GRIK2: variants seen among roughly 807,000 people sequenced by gnomAD.
GRIK2 encodes glutamate receptor ionotropic, kainate 2.
A neutral mutation model predicts 100.3 loss-of-function variants in GRIK2; 32 were observed. The observed-to-expected ratio is 0.32, with a 90% CI of 0.24 to 0.43. The LOEUF is 0.43. Among genes scored for constraint, GRIK2 ranks in the 20% least tolerant of loss-of-function variants. The pLI, the probability that GRIK2 is intolerant of heterozygous loss-of-function variation, is 1.00. For synonymous variants in GRIK2, 417 were observed against 389.4 expected (o/e 1.07, Z -0.83); for missense variants, 843 against 1,114.9 (o/e 0.76, Z 3.47).
chr6:101,470,191 C>T (rs1227545992), intron 2 of GRIK2, among the ~76,000 whole-genome samples: 2 of 152,136 alleles, frequency 1.3e-5, no homozygotes, highest in African/African-American at 2.4e-5. Flanking sequence ...AGTGGCTTCA[C>T]CGGAACTGAA....
intron 15 of GRIK2, among the ~76,000 whole-genome samples, chr6:102,036,111 A>C (rs1346568169): frequency 6.6e-6 from 1 of 151,364 alleles, no homozygotes; most frequent in South Asian, 2.1e-4. Context: ...ATGGCAAATC[A>C]TTTTTAGTCA....
At chr6:101,882,036 A>G (rs1786285367) in intron 11 of GRIK2, among the ~76,000 whole-genome samples, 1 of 152,088 alleles carries the variant, frequency 6.6e-6, no homozygotes, top group South Asian at 2.1e-4. Context: ...GTGGCAGACA[A>G]GAGAGAATGA....
chr6:101,622,177 G>A (rs1780196207), intron 3 of GRIK2, 61 bp downstream of exon 3: 1 of 1,023,878 alleles, frequency 9.8e-7, no homozygotes. Flanking sequence ...GTATTCTTAA[G>A]AGATTTTTTT....
chr6:101,736,726 G>T (rs1775660940), intron 7 of GRIK2, among the ~76,000 whole-genome samples: 1 of 152,120 alleles, frequency 6.6e-6, no homozygotes, highest in Admixed American at 6.5e-5. Flanking sequence ...CCTCTGACAT[G>T]CCCTGGAAAC....
At chr6:101,887,299 A>G (rs145710496) in intron 11 of GRIK2, among the ~76,000 whole-genome samples, 194 of 152,296 alleles carry the variant, frequency 1.3e-3, no homozygotes, top group African/African-American at 3.7e-3. Context: ...TGTGTACGAT[A>G]AATACATAAA....
intron 4 of GRIK2, among the ~76,000 whole-genome samples, chr6:101,655,606 C>T (rs895444954): frequency 1.3e-5 from 2 of 152,126 alleles, no homozygotes; most frequent in South Asian, 2.1e-4. Flanking sequence ...TCTCAAAAAT[C>T]CTGAGTTGCA....
At chr6:101,499,747 A>G (rs1773651193) in intron 2 of GRIK2, among the ~76,000 whole-genome samples, 1 of 152,152 alleles carries the variant, frequency 6.6e-6, no homozygotes, top group Non-Finnish European at 1.5e-5. Context: ...TATAACTTAT[A>G]TACTATGTTA....
intron 7 of GRIK2, among the ~76,000 whole-genome samples, chr6:101,785,376 C>T (rs780981474): frequency 2.6e-5 from 4 of 152,040 alleles, no homozygotes; most frequent in Non-Finnish European, 5.9e-5. Context: ...GGGTCCTTAG[C>T]CATAGAGTAT....
chr6:101,948,551 T>TTA (rs1002133632), intron 14 of GRIK2, among the ~76,000 whole-genome samples: 7 of 148,484 alleles, frequency 4.7e-5, no homozygotes, highest in Admixed American at 6.8e-5. Context: ...TTTTATATAG[T>TTA]TATATATATA....
chr6:101,687,122 T>C (rs543309649), intron 7 of GRIK2, among the ~76,000 whole-genome samples: 25 of 152,078 alleles, frequency 1.6e-4, no homozygotes, highest in Non-Finnish European at 3.2e-4. Flanking sequence ...TTTATATTTT[T>C]TATACTAAAT....
At chr6:101,468,567 T>A (rs1186925572) in intron 2 of GRIK2, among the ~76,000 whole-genome samples, 3 of 152,156 alleles carry the variant, frequency 2.0e-5, no homozygotes, top group African/African-American at 7.2e-5. Context: ...CAAGGACTTG[T>A]AAAATGTGGA....
At position 101,612,921 on chromosome 6, in the gene GRIK2, A is replaced by G. The variant is rs182996253; in HGVS notation, c.116-9028A>G. The stretch of plus-strand genomic sequence containing the variant: ...AAGAAAAGAGGTTGGAAAGGAAGGT[A>G]GAAGACAAATTATGAAAAACTTTGT... On this transcript the variant is annotated intron_variant, in intron 2 of 16. Transcript: ENST00000369134. 1.5e-3 allele frequency among the ~76,000 whole-genome samples: 222 copies of G among 151,810 alleles called. 2 individuals carry two copies. Among genetic ancestry groups the G allele is most frequent in the African/African-American group, 5.2e-3 (215 of 41,480 alleles).
Position 101,510,579 on chromosome 6 carries a change from G to T in GRIK2, c.115+111187G>T, listed in dbSNP as rs139819848. Among the ~76,000 whole-genome samples the T allele has an allele frequency of 2.0e-3, 271 of 135,648 alleles. 2 individuals carry two copies. Among genetic ancestry groups the T allele is most frequent in the African/African-American group, 7.2e-3 (263 of 36,664 alleles). The allele number at this position is 135,648 out of a possible 152,430, so 89.0% of individuals were successfully genotyped here. On this transcript the variant is annotated intron_variant, in intron 2 of 16. Coordinates refer to ENST00000369134, the MANE Select transcript of GRIK2 (RefSeq NM_021956.5). ...ACACTGTAGGCTGGGCTGGAGTGCAGTGGCATGATCTCGGCTCAATGCAAC... is the reference window on the plus strand; with the variant it reads ...ACACTGTAGGCTGGGCTGGAGTGCATTGGCATGATCTCGGCTCAATGCAAC...
At chr6:101,933,665 C>G (rs1790431634) in intron 14 of GRIK2, among the ~76,000 whole-genome samples, 1 of 151,860 alleles carries the variant, frequency 6.6e-6, no homozygotes, top group Non-Finnish European at 1.5e-5. Flanking sequence ...TTACTTTTGT[C>G]AAATTCCACA....
intron 11 of GRIK2, among the ~76,000 whole-genome samples, chr6:101,859,798 A>G (rs1008930160): frequency 3.3e-5 from 5 of 152,170 alleles, no homozygotes; most frequent in Non-Finnish European, 7.4e-5. Context: ...TTCCTGGGCC[A>G]TAAAGTTGGC....
rs924466428 is a variant in GRIK2 at position 101,490,653 on chromosome 6, C to A, written c.115+91261C>A. Among the ~76,000 whole-genome samples, 6 of 146,440 alleles carry A rather than the reference C, an allele frequency of 4.1e-5. 1 individual carries two copies. Among genetic ancestry groups the A allele is most frequent in the East Asian group, 1.9e-4 (1 of 5,138 alleles). ...AAATGTTGATAAAAGGTATCGTTGT[C>A]TTGTTGATTTTAATAGTTTTTAAAT... On this transcript the variant is annotated intron_variant, in intron 2 of 16. Transcript: ENST00000369134.
intron 7 of GRIK2, among the ~76,000 whole-genome samples, chr6:101,720,360 A>G (rs905889155): frequency 6.6e-6 from 1 of 151,994 alleles, no homozygotes; most frequent in African/African-American, 2.4e-5. Flanking sequence ...TGTGTTCTAT[A>G]TTCTCATACC....
intron 2 of GRIK2, among the ~76,000 whole-genome samples, chr6:101,618,946 T>A (rs1217183713): frequency 6.7e-6 from 1 of 150,236 alleles, no homozygotes; most frequent in East Asian, 1.9e-4. Context: ...ATTTTATTGT[T>A]TTCCAAAAAA....
intron 14 of GRIK2, among the ~76,000 whole-genome samples, chr6:102,019,805 T>A (rs961652896): frequency 6.6e-6 from 1 of 151,918 alleles, no homozygotes; most frequent in Non-Finnish European, 1.5e-5. Flanking sequence ...TCTTTATATA[T>A]CCCTTTTTAA....
Sources: allele counts gnomAD v4.1 joint callset (sites outside exome capture counted in the v4.1 genomes callset), GRCh38; gene constraint gnomAD v4.1.1; transcripts MANE v1.5; gene names NCBI Gene and HGNC (gene_info 2026-07-23, HGNC 2026-07-21).